CPA6: variants seen among roughly 807,000 people sequenced by gnomAD.
CPA6 encodes the protein carboxypeptidase B.
A neutral mutation model predicts 63.3 loss-of-function variants in CPA6; 58 were observed. The ratio of observed to expected loss-of-function variants is 0.92; its 90% CI spans 0.74 to 1.14. The LOEUF is 1.14. Among genes scored for constraint, CPA6 ranks in the 50% most tolerant of loss-of-function variants. CPA6 has a pLI of 0.00. For synonymous variants in CPA6, 185 were observed against 179.0 expected, an observed-to-expected ratio of 1.03 and a Z score of -0.27; for missense variants, 565 against 526.6, an observed-to-expected ratio of 1.07 and a Z score of -0.71.
intron 2 of CPA6, among the ~76,000 whole-genome samples, chr8:67,521,085 T>C (rs1176429026): frequency 1.3e-5 from 2 of 152,220 alleles, no homozygotes; most frequent in Non-Finnish European, 2.9e-5. Flanking sequence ...GGCTACAACA[T>C]AACAAAAGTA....
At chr8:67,514,344 T>C (rs994924410) in intron 3 of CPA6, among the ~76,000 whole-genome samples, 1 of 152,172 alleles carries the variant, frequency 6.6e-6, no homozygotes, top group Non-Finnish European at 1.5e-5. Flanking sequence ...AATCATTTCA[T>C]AGAGGGGAAT....
rs550626864 is a variant in CPA6 at position 67,679,455 on chromosome 8, G to T, written c.117-55204C>A. Reference sequence around the variant, plus strand: ...TGAATGGATTTTAATGCCTCTGAAAGTCTTTTTATTGATAATGTAGTAAGC... The same window carrying T: ...TGAATGGATTTTAATGCCTCTGAAATTCTTTTTATTGATAATGTAGTAAGC... On this transcript the variant is annotated intron_variant, in intron 1 of 10. Coordinates refer to ENST00000297770, the MANE Select transcript of CPA6 (RefSeq NM_020361.5). 3.9e-5 allele frequency among the ~76,000 whole-genome samples: 6 copies of T among 152,250 alleles called. No individual in the cohort carries two copies. The East Asian group carries it at 7.7e-4, about 20-fold the overall frequency.
At chr8:67,607,245 T>C (rs187396049) in intron 2 of CPA6, among the ~76,000 whole-genome samples, 1,300 of 84,608 alleles carry the variant, frequency 0.015, 133 homozygotes, top group Middle Eastern at 0.035. Flanking sequence ...TTCTTCTTCT[T>C]CTTCTTCTCC....
At chr8:67,471,536 T>C (rs964264677) in intron 8 of CPA6, among the ~76,000 whole-genome samples, 1 of 152,162 alleles carries the variant, frequency 6.6e-6, no homozygotes, top group Admixed American at 6.5e-5. Flanking sequence ...GTTTGTTTTG[T>C]TTTTTGGCAC....
chr8:67,538,534 G>A (rs1339411042), intron 2 of CPA6, among the ~76,000 whole-genome samples: 1 of 54,068 alleles, frequency 1.8e-5, no homozygotes, highest in Non-Finnish European at 3.8e-5. Context: ...TTTTTTTTTT[G>A]CTTTCCATTT....
intron 1 of CPA6, among the ~76,000 whole-genome samples, chr8:67,666,076 T>C (rs978621421): frequency 5.9e-5 from 9 of 152,234 alleles, no homozygotes; most frequent in Non-Finnish European, 1.2e-4. Context: ...TTTATGAACA[T>C]GATCCACTGT....
intron 1 of CPA6, among the ~76,000 whole-genome samples, chr8:67,716,669 G>T (rs932880918): frequency 6.6e-6 from 1 of 152,206 alleles, no homozygotes; most frequent in African/African-American, 2.4e-5. Flanking sequence ...TGAAAGGGAG[G>T]TGTGCAGCTT....
chr8:67,477,264 T>TGG (rs1811261392), intron 8 of CPA6, among the ~76,000 whole-genome samples: 1 of 115,724 alleles, frequency 8.6e-6, no homozygotes, highest in Non-Finnish European at 1.6e-5. Flanking sequence ...CACTCCAGCC[T>TGG]GGGTGACAGA....
chr8:67,738,917 TTCAG>T (rs938782823), intron 1 of CPA6, among the ~76,000 whole-genome samples: 1 of 152,158 alleles, frequency 6.6e-6, no homozygotes, highest in African/African-American at 2.4e-5. Flanking sequence ...CTATTTTCTG[TTCAG>T]TCATTCCATT....
chr8:67,498,184 G>A (rs916697264), intron 6 of CPA6, among the ~76,000 whole-genome samples: 11 of 152,022 alleles, frequency 7.2e-5, no homozygotes, highest in African/African-American at 2.7e-4. Flanking sequence ...ATTTATTCTA[G>A]TTTTCTTTCT....
At chr8:67,686,496 G>T (rs1190521156) in intron 1 of CPA6, among the ~76,000 whole-genome samples, 4 of 152,172 alleles carry the variant, frequency 2.6e-5, no homozygotes, top group African/African-American at 9.7e-5. Context: ...CATATAACTG[G>T]GGAGGAGGCC....
intron 2 of CPA6, among the ~76,000 whole-genome samples, chr8:67,603,783 T>C (rs1228261241): frequency 6.6e-6 from 1 of 152,236 alleles, no homozygotes; most frequent in African/African-American, 2.4e-5. Context: ...CTAAAACTTC[T>C]CTTTGCTAAC....
intron 1 of CPA6, among the ~76,000 whole-genome samples, chr8:67,649,506 T>A (rs1815789276): frequency 6.6e-6 from 1 of 152,190 alleles, no homozygotes; most frequent in Non-Finnish European, 1.5e-5. Context: ...CCTCTTATGA[T>A]TTTTTAACAA....
Position 67,673,353 on chromosome 8 carries a change from T to TTTATTATTATTA in CPA6, c.117-49114_117-49103dup, listed in dbSNP as rs71253021. ...ATTTTTATTTTATAATCTCTTTCAA[T>TTTATTATTATTA]TTATTATTATTATTATTATTATTAT... On this transcript the variant is annotated intron_variant, in intron 1 of 10. Coordinates refer to ENST00000297770, the MANE Select transcript of CPA6 (RefSeq NM_020361.5). Among the ~76,000 whole-genome samples, 850 of 140,080 alleles carry TTTATTATTATTA rather than the reference T, an allele frequency of 6.1e-3. 3 individuals are homozygous for TTTATTATTATTA. The highest frequency in any genetic ancestry group is 0.022 in the Middle Eastern group (6 of 276). 91.9% of individuals were successfully genotyped at this position (140,080 alleles called of 152,430 possible).
chr8:67,511,900 C>T (rs1259285685), intron 3 of CPA6, among the ~76,000 whole-genome samples: 8 of 152,176 alleles, frequency 5.3e-5, no homozygotes, highest in Admixed American at 3.9e-4. Context: ...GTAACAATAG[C>T]TACTGCTGAT....
chr8:67,658,594 A>G (rs769945989), intron 1 of CPA6, among the ~76,000 whole-genome samples: 5 of 152,050 alleles, frequency 3.3e-5, no homozygotes, highest in Non-Finnish European at 7.4e-5. Flanking sequence ...TTATCTCCAC[A>G]TCAAACCTCT....
chr8:67,732,525 C>A (rs553002655), intron 1 of CPA6: 1 of 152,206 alleles, frequency 6.6e-6, no homozygotes, highest in Non-Finnish European at 1.5e-5. Context: ...TTGCTTATTT[C>A]CTGAAAGATA....
rs576882210 is a variant in CPA6 at position 67,637,742 on chromosome 8, G to A, written c.117-13491C>T. Among the ~76,000 whole-genome samples the A allele has an allele frequency of 8.6e-5, 13 of 151,462 alleles. No homozygotes were observed. In the South Asian group the frequency reaches 2.7e-3, roughly 31 times the overall value. On this transcript the variant is annotated intron_variant, in intron 1 of 10. Transcript: ENST00000297770. ...GTTTCATAAACTACATAGAAAATAT[G>A]TAGTAAAAAGGTTTAGCTGCAGTGA...
intron 6 of CPA6, among the ~76,000 whole-genome samples, chr8:67,497,348 G>A (rs986763845): frequency 6.6e-6 from 1 of 152,144 alleles, no homozygotes; most frequent in African/African-American, 2.4e-5. Flanking sequence ...TAAACGGAGT[G>A]ATACAATATA....
Sources: gnomAD v4.1 joint callset for allele counts (sites outside exome capture counted in the v4.1 genomes callset) on GRCh38, gnomAD v4.1.1 for gene constraint, MANE v1.5 for transcripts, NCBI Gene and HGNC (gene_info 2026-07-23, HGNC 2026-07-21) for gene names.